MGAT4C: variants seen among roughly 807,000 people sequenced by gnomAD.
MGAT4C encodes MGAT4 family member C.
In MGAT4C, 19 loss-of-function variants were observed where a neutral mutation model predicts 40.1. The observed-to-expected ratio is 0.47, with a 90% confidence interval of 0.33 to 0.70. The LOEUF is 0.70. MGAT4C is among the 30% of genes least tolerant of loss of function. The pLI, the probability that MGAT4C is intolerant of heterozygous loss-of-function variation, is 0.02. For synonymous variants in MGAT4C, 181 were observed against 187.1 expected (o/e 0.97, Z 0.27); for missense variants, 491 against 563.2 (o/e 0.87, Z 1.30).
intron 1 of MGAT4C, among the ~76,000 whole-genome samples, chr12:86,110,947 T>TA (rs1333120901): frequency 6.6e-6 from 1 of 151,774 alleles, no homozygotes; most frequent in Non-Finnish European, 1.5e-5. Flanking sequence ...TGTATTCTCT[T>TA]AAAAATTTAA....
chr12:86,489,428 C>A lies in MGAT4C; in HGVS notation c.-228-54163G>T, dbSNP rs79509993. On this transcript the variant is annotated intron_variant, in intron 2 of 7. Coordinates refer to the MGAT4C transcript ENST00000548651. Reference sequence around the variant, plus strand: ...ATTTGGGACACACCAAGTGTGGGTACCCTAAAAGGCTGTCACACTAGCCCT... The same window carrying A: ...ATTTGGGACACACCAAGTGTGGGTAACCTAAAAGGCTGTCACACTAGCCCT... 3.3e-3 allele frequency among the ~76,000 whole-genome samples: 502 copies of A among 152,274 alleles called. 2 individuals carry two copies. Among genetic ancestry groups the A allele is most frequent in the African/African-American group, 0.012 (485 of 41,568 alleles).
chr12:85,956,835 T>C lies in MGAT4C; in HGVS notation c.*22454A>G, dbSNP rs1446090835. 2.0e-5 allele frequency: 3 copies of C among 152,222 alleles called. No individual in the cohort carries two copies. The highest frequency in any genetic ancestry group is 7.2e-5 in the African/African-American group (3 of 41,466). 9.4% of individuals were successfully genotyped at this position (152,222 alleles called of 1,614,324 possible). A position where few individuals can be genotyped will look rare whatever the true frequency, so the allele number is the denominator to read the frequency against. The stretch of plus-strand genomic sequence containing the variant: ...CTCTGAATCAACAGAATTTTATTTT[T>C]CTTTTACCGTGGCCCAAGTAATGTT... On this transcript the variant is annotated 3_prime_UTR_variant, in exon 5 of 5. Transcript: ENST00000611864.
chr12:86,151,800 T>C (rs558840147), intron 1 of MGAT4C, among the ~76,000 whole-genome samples: 1 of 152,356 alleles, frequency 6.6e-6, no homozygotes, highest in African/African-American at 2.4e-5. Context: ...AGTCATGGCT[T>C]ATGCCCTGGT....
At chr12:86,105,636 G>C (rs1876019224) in intron 1 of MGAT4C, among the ~76,000 whole-genome samples, 1 of 152,122 alleles carries the variant, frequency 6.6e-6, no homozygotes, top group South Asian at 2.1e-4. Context: ...ATTAATGCAA[G>C]TACAAATTAA....
chr12:86,766,092 A>G (rs377536243), intron 1 of MGAT4C, among the ~76,000 whole-genome samples: 1,687 of 152,138 alleles, frequency 0.011, 25 homozygotes, highest in African/African-American at 0.037. Context: ...AAAGAGTCAA[A>G]ACCCATCAGT....
At chr12:85,993,668 G>A (rs560970473) in intron 2 of MGAT4C, among the ~76,000 whole-genome samples, 16 of 152,182 alleles carry the variant, frequency 1.1e-4, no homozygotes, top group South Asian at 4.1e-4. Context: ...TGGGCTGTGG[G>A]ACCAGATGGT....
intron 2 of MGAT4C, among the ~76,000 whole-genome samples, chr12:86,499,296 G>T (rs1958294814): frequency 6.6e-6 from 1 of 150,776 alleles, no homozygotes; most frequent in Non-Finnish European, 1.5e-5. Flanking sequence ...TATATATTTG[G>T]TTATTTATAT....
intron 2 of MGAT4C, among the ~76,000 whole-genome samples, chr12:86,468,158 ACTC>A (rs981480592): frequency 1.3e-5 from 2 of 151,836 alleles, no homozygotes; most frequent in African/African-American, 4.8e-5. Flanking sequence ...CTAAAATAAA[ACTC>A]CTCATTCTTT....
At chr12:86,125,516 C>T (rs969104029) in intron 1 of MGAT4C, among the ~76,000 whole-genome samples, 3 of 152,058 alleles carry the variant, frequency 2.0e-5, no homozygotes, top group African/African-American at 7.2e-5. Context: ...CTCAAGACAT[C>T]AGATGACCCA....
intron 2 of MGAT4C, among the ~76,000 whole-genome samples, chr12:86,020,321 T>C (rs1592704516): frequency 6.6e-6 from 1 of 152,170 alleles, no homozygotes; most frequent in African/African-American, 2.4e-5. Context: ...TGATACTGGC[T>C]ATGGGTTTGT....
intron 3 of MGAT4C, among the ~76,000 whole-genome samples, chr12:86,418,977 C>A (rs557719552): frequency 6.6e-6 from 1 of 152,248 alleles, no homozygotes; most frequent in East Asian, 1.9e-4. Context: ...TTGTTTCACT[C>A]ACAACTTTCA....
In MGAT4C at chr12:85,962,711, T is replaced by C. The variant is rs1461618136; in HGVS notation, c.*16578A>G. 6.6e-6 allele frequency: 1 copy of C among 151,120 alleles called. No individual in the cohort carries two copies. Among genetic ancestry groups the C allele is most frequent in the Non-Finnish European group, 1.5e-5 (1 of 67,508 alleles). 9.4% of individuals were successfully genotyped at this position (151,120 alleles called of 1,614,324 possible). On this transcript the variant is annotated 3_prime_UTR_variant, in exon 5 of 5. Coordinates refer to ENST00000611864, the MANE Select transcript of MGAT4C (RefSeq NM_001351288.2). ...TATATCAGTGCTATCAACTACATTT[T>C]ACATAGGATGAAAAAAATCATTATT...
chr12:86,310,191 T>C (rs1954035697), intron 4 of MGAT4C, among the ~76,000 whole-genome samples: 1 of 152,008 alleles, frequency 6.6e-6, no homozygotes, highest in South Asian at 2.1e-4. Context: ...GCAGGTAATG[T>C]GAATGAGTAA....
chr12:86,052,131 T>C (rs2136971609), intron 1 of MGAT4C, among the ~76,000 whole-genome samples: 1 of 151,894 alleles, frequency 6.6e-6, no homozygotes, highest in Admixed American at 6.6e-5. Flanking sequence ...AATAAGATAA[T>C]TATACATTTT....
Position 86,295,152 on chromosome 12 carries a change from C to G in MGAT4C, c.-57+38913G>C, listed in dbSNP as rs138762352. Among the ~76,000 whole-genome samples, 63 of 152,102 alleles carry G rather than the reference C, an allele frequency of 4.1e-4. No individual in the cohort carries two copies. In the East Asian group the frequency reaches 0.01, roughly 25 times the overall value. On this transcript the variant is annotated intron_variant, in intron 4 of 7. Coordinates refer to the MGAT4C transcript ENST00000548651. The stretch of plus-strand genomic sequence containing the variant: ...CTTTTAATCTCAATATATTTTAGTT[C>G]TCTGAAAAATAGCCATAAACAATTT...
At chr12:86,756,007 A>G (rs1951298651) in intron 1 of MGAT4C, among the ~76,000 whole-genome samples, 1 of 151,498 alleles carries the variant, frequency 6.6e-6, no homozygotes, top group Non-Finnish European at 1.5e-5. Flanking sequence ...TTTAAAATAT[A>G]TATATAATTT....
chr12:86,061,143 T>A (rs1182285858), intron 1 of MGAT4C, among the ~76,000 whole-genome samples: 3 of 152,170 alleles, frequency 2.0e-5, no homozygotes, highest in Admixed American at 2.0e-4. Context: ...TATTTCTGCA[T>A]TTCCAACTGA....
chr12:86,230,784 A>T (rs1439289778), intron 1 of MGAT4C, among the ~76,000 whole-genome samples: 3 of 152,040 alleles, frequency 2.0e-5, no homozygotes, highest in African/African-American at 7.2e-5. Flanking sequence ...AAAACAAAAC[A>T]TTTTGAATAA....
intron 2 of MGAT4C, among the ~76,000 whole-genome samples, chr12:86,549,844 C>A (rs1959258892): frequency 6.6e-6 from 1 of 152,194 alleles, no homozygotes; most frequent in Non-Finnish European, 1.5e-5. Context: ...CCTCTGCAGA[C>A]ACTCTCCCCC....
Sources: allele counts gnomAD v4.1 joint callset (sites outside exome capture counted in the v4.1 genomes callset), GRCh38; gene constraint gnomAD v4.1.1; transcripts MANE v1.5; gene names NCBI Gene and HGNC (gene_info 2026-07-23, HGNC 2026-07-21).